The following ANKHD1 variants were observed in gnomAD, a reference collection of about 807,000 sequenced individuals.
The protein encoded by ANKHD1 is ankyrin repeat and KH domain containing 1.
ANKHD1 carries 31 observed loss-of-function variants against 230.5 expected under a neutral mutation model. The observed-to-expected ratio is 0.13, with a 90% CI of 0.10 to 0.18. The LOEUF is 0.18. ANKHD1 is among the 10% of genes least tolerant of loss of function. The probability of loss-of-function intolerance (pLI) is 1.00; values close to 1 mark genes in which losing one functional copy is unlikely to be tolerated. For missense variants in ANKHD1, 2,256 were observed against 3,071.3 expected, an observed-to-expected ratio of 0.73 and a Z score of 6.27; for synonymous variants, 1,074 against 1,117.6, an observed-to-expected ratio of 0.96 and a Z score of 0.78.
At chr5:140,521,763 T>A (rs920236705) in intron 24 of ANKHD1, among the ~76,000 whole-genome samples, 1 of 152,194 alleles carries the variant, frequency 6.6e-6, no homozygotes, top group Admixed American at 6.5e-5. Flanking sequence ...GCAGATCACC[T>A]GAGGTCAGGA....
intron 1 of ANKHD1, among the ~76,000 whole-genome samples, chr5:140,422,908 C>G (rs1182489254): frequency 6.6e-6 from 1 of 151,588 alleles, no homozygotes; most frequent in Non-Finnish European, 1.5e-5. Flanking sequence ...CAGGGTCTTG[C>G]TCTTTCGCCC....
At chr5:140,406,472 C>T (rs1006924038) in intron 1 of ANKHD1, among the ~76,000 whole-genome samples, 1 of 151,806 alleles carries the variant, frequency 6.6e-6, no homozygotes, top group Non-Finnish European at 1.5e-5. Flanking sequence ...AATATCAGAG[C>T]CAAGAGCTGA....
chr5:140,415,955 A>T (rs1210902482), intron 1 of ANKHD1, among the ~76,000 whole-genome samples: 1 of 151,828 alleles, frequency 6.6e-6, no homozygotes, highest in African/African-American at 2.4e-5. Flanking sequence ...ACCCCACGAC[A>T]GGCCCCGGTG....
rs1459184059 is a variant in ANKHD1, at chr5:140,510,154, C to G, written c.4077C>G (p.Ile1359Met). 6.2e-7 allele frequency: 1 copy of G among 1,612,508 alleles called. No homozygotes were observed. The highest frequency in any genetic ancestry group is 8.5e-7 in the Non-Finnish European group (1 of 1,179,040). ...ADVDAADNRK[I>M]TPLMSAFRKG... ...TGGATGCAGCAGATAACCGGAAAAT[C>G]ACACCTCTTATGTCAGCATTTCGCA... The change falls in exon 22 of 34, where the codon ATC becomes ATG. Residue 1359 changes from isoleucine to methionine, a missense_variant. By Grantham distance (10) the Ile-to-Met change is conservative. This residue lies in a region of ANKHD1 where 195 missense variants were observed against 340.3 expected (regional missense o/e 0.57). Transcript: ENST00000360839.
chr5:140,406,254 A>T (rs890308000), intron 1 of ANKHD1, among the ~76,000 whole-genome samples: 3 of 151,694 alleles, frequency 2.0e-5, no homozygotes, highest in Admixed American at 1.3e-4. Flanking sequence ...AAAAAAAAAT[A>T]AATTATTTTA....
intron 1 of ANKHD1, among the ~76,000 whole-genome samples, chr5:140,427,393 C>T (rs1377080352): frequency 2.1e-3 from 2 of 956 alleles, no homozygotes; most frequent in African/African-American, 4.5e-3. Flanking sequence ...CCACCTCCCT[C>T]CCCGACGGGC....
chr5:140,484,718 A>T (rs1054608659), intron 11 of ANKHD1: 1 of 153,514 alleles, frequency 6.5e-6, no homozygotes, highest in Non-Finnish European at 1.4e-5. Context: ...GAATGAACGA[A>T]CTACAGCTTC....
intron 7 of ANKHD1, among the ~76,000 whole-genome samples, chr5:140,453,638 A>G (rs940268428): frequency 6.6e-6 from 1 of 152,192 alleles, no homozygotes; most frequent in African/African-American, 2.4e-5. Context: ...AGGGGAAATA[A>G]AATCCTTTAC....
chr5:140,510,212 T>A, intron 22 of ANKHD1, 31 bp downstream of exon 22: 1 of 1,567,020 alleles, frequency 6.4e-7, no homozygotes, highest in South Asian at 1.2e-5. Context: ...AAAGGTCAAT[T>A]TTAAGCCAAT....
intron 5 of ANKHD1, 85 bp downstream of exon 5, chr5:140,441,227 A>C: frequency 7.2e-7 from 1 of 1,383,232 alleles, no homozygotes. Flanking sequence ...TTCTGAGGAA[A>C]ACCAGTATAA....
At chr5:140,413,653 C>G (rs1406466903) in intron 1 of ANKHD1, among the ~76,000 whole-genome samples, 1 of 152,052 alleles carries the variant, frequency 6.6e-6, no homozygotes, top group Non-Finnish European at 1.5e-5. Context: ...CCAGTTGTTG[C>G]TTGTGTCAAA....
chr5:140,497,795 A>T (rs1258385706), intron 15 of ANKHD1, among the ~76,000 whole-genome samples: 1 of 151,944 alleles, frequency 6.6e-6, no homozygotes, highest in Non-Finnish European at 1.5e-5. Context: ...GATAAGGTGC[A>T]TTAAAATGAT....
chr5:140,512,679 G>A (rs1218883581), intron 22 of ANKHD1, 149 bp from the exon 23 acceptor site: 3 of 566,432 alleles, frequency 5.3e-6, no homozygotes, highest in Non-Finnish European at 3.0e-6. Flanking sequence ...CTATTTGGAA[G>A]TATTTGCCTT....
chr5:140,512,492 C>T (rs976255049), intron 22 of ANKHD1, among the ~76,000 whole-genome samples: 10 of 152,038 alleles, frequency 6.6e-5, no homozygotes, highest in African/African-American at 2.2e-4. Flanking sequence ...TAGATTTATT[C>T]TAGGAGATAC....
chr5:140,410,439 G>A (rs1770836724), intron 1 of ANKHD1, among the ~76,000 whole-genome samples: 1 of 152,044 alleles, frequency 6.6e-6, no homozygotes, highest in African/African-American at 2.4e-5. Flanking sequence ...CTGATTCAGT[G>A]ATCACTAATA....
chr5:140,479,251 G>T (rs1181704114), intron 10 of ANKHD1, among the ~76,000 whole-genome samples: 1 of 151,900 alleles, frequency 6.6e-6, no homozygotes, highest in Non-Finnish European at 1.5e-5. Flanking sequence ...CCCCGCCTCG[G>T]CCTCCCAAAG....
rs770326358 is a variant in ANKHD1 at position 140,441,046 on chromosome 5, A to T, written c.817A>T (p.Ile273Leu). The T allele has an allele frequency of 6.2e-7, 1 of 1,612,314 alleles. No individual in the cohort carries two copies. Among genetic ancestry groups the T allele is most frequent in the East Asian group, 2.2e-5 (1 of 44,704 alleles). The change falls in exon 5 of 34, where the codon ATA becomes TTA. Residue 273 changes from isoleucine to leucine, a missense_variant. Around this residue, in one of 13 missense-constraint regions of ANKHD1, gnomAD observed 206 missense variants for 304.5 expected, o/e 0.68. Coordinates refer to ENST00000360839, the MANE Select transcript of ANKHD1 (RefSeq NM_017747.3). The stretch of plus-strand genomic sequence containing the variant: ...TGAAGATCGAGGGAATAAAGGAGAC[A>T]TAACTCCCCTGATGGCAGCTTCCAG... ...NVEDRGNKGD[I>L]TPLMAASSGG... is the part of the protein sequence containing the mutation.
intron 31 of ANKHD1, 165 bp downstream of exon 31, chr5:140,537,754 C>G: frequency 8.5e-7 from 1 of 1,171,486 alleles, no homozygotes; most frequent in African/African-American, 1.6e-5. Flanking sequence ...AGTCCAATTT[C>G]AGAGTCTGGA....
intron 22 of ANKHD1, 146 bp downstream of exon 22, chr5:140,510,327 T>TTC (rs1338227785): frequency 8.0e-7 from 1 of 1,244,442 alleles, no homozygotes; most frequent in East Asian, 2.7e-5. Flanking sequence ...TTTTTTTTTT[T>TTC]TTTGAGACGG....
Sources: gnomAD v4.1 joint callset for allele counts (sites outside exome capture counted in the v4.1 genomes callset) on GRCh38, gnomAD v4.1.1 for gene constraint, gnomAD v4.1.1 regional missense constraint, MANE v1.5 for transcripts, NCBI Gene and HGNC (gene_info 2026-07-23, HGNC 2026-07-21) for gene names.